Variants in GALNTL6 observed in about 807,000 individuals in gnomAD.
The protein encoded by GALNTL6 is polypeptide N-acetylgalactosaminyltransferase-like 6.
A neutral mutation model predicts 73.7 loss-of-function variants in GALNTL6; 46 were observed. The observed-to-expected ratio is 0.62, with a 90% CI of 0.49 to 0.80. GALNTL6 has a LOEUF of 0.80. Ranked by LOEUF, GALNTL6 falls within the 30% of genes least tolerant of loss-of-function variation. The pLI is 0.00. For synonymous variants in GALNTL6, 259 were observed against 263.7 expected (o/e 0.98, Z 0.17); for missense variants, 604 against 755.0 (o/e 0.80, Z 2.34).
At chr4:172,753,167 G>T (rs1325509382) in intron 5 of GALNTL6, among the ~76,000 whole-genome samples, 1 of 152,104 alleles carries the variant, frequency 6.6e-6, no homozygotes, top group African/African-American at 2.4e-5. Flanking sequence ...TAGTCAGTAA[G>T]TCTCATGAGA....
chr4:172,204,327 G>GT (rs1218362713), intron 2 of GALNTL6, among the ~76,000 whole-genome samples: 2 of 152,172 alleles, frequency 1.3e-5, no homozygotes, highest in Non-Finnish European at 2.9e-5. Flanking sequence ...TTGTGACAGT[G>GT]TAAGTCTTTT....
At chr4:172,313,646 G>A (rs983485206) in intron 4 of GALNTL6, among the ~76,000 whole-genome samples, 2 of 152,010 alleles carry the variant, frequency 1.3e-5, no homozygotes, top group East Asian at 3.9e-4. Context: ...TTTTATTAGG[G>A]TTACTCAATT....
chr4:172,248,831 G>A (rs1253112321), intron 3 of GALNTL6, among the ~76,000 whole-genome samples: 1 of 152,102 alleles, frequency 6.6e-6, no homozygotes, highest in African/African-American at 2.4e-5. Context: ...AGAAGGATGT[G>A]TTTGCTTGCC....
chr4:172,416,016 T>C (rs1730816672), intron 5 of GALNTL6, among the ~76,000 whole-genome samples: 1 of 152,164 alleles, frequency 6.6e-6, no homozygotes, highest in African/African-American at 2.4e-5. Context: ...AGGCAGAAAT[T>C]GGGCATAAGA....
At chr4:172,339,313 A>ACACACACG (rs1554015266) in intron 4 of GALNTL6, among the ~76,000 whole-genome samples, 2 of 142,286 alleles carry the variant, frequency 1.4e-5, no homozygotes, top group African/African-American at 5.2e-5. Context: ...ACACACACAC[A>ACACACACG]CAGAGTTTCC....
chr4:171,883,309 G>A (rs936240297), intron 2 of GALNTL6, among the ~76,000 whole-genome samples: 9 of 152,070 alleles, frequency 5.9e-5, no homozygotes, highest in African/African-American at 1.9e-4. Context: ...CCGAGATCCT[G>A]CCACTACACT....
At chr4:172,279,702 A>G (rs1738973504) in intron 3 of GALNTL6, among the ~76,000 whole-genome samples, 1 of 152,210 alleles carries the variant, frequency 6.6e-6, no homozygotes, top group Admixed American at 6.5e-5. Context: ...CAATTGCTAT[A>G]TAACCTAACA....
At chr4:172,773,057 G>T (rs1196760658) in intron 5 of GALNTL6, among the ~76,000 whole-genome samples, 1 of 152,158 alleles carries the variant, frequency 6.6e-6, no homozygotes, top group Non-Finnish European at 1.5e-5. Flanking sequence ...ACAAAACTCT[G>T]CAAAGAAACA....
rs148210407 is a variant in GALNTL6, at chr4:172,172,401, T to C, written c.139-57255T>C. Among the ~76,000 whole-genome samples the C allele has an allele frequency of 8.9e-4, 135 of 152,284 alleles. 1 individual carries two copies. Among genetic ancestry groups the C allele is most frequent in the African/African-American group, 3.2e-3 (131 of 41,570 alleles). On this transcript the variant is annotated intron_variant, in intron 2 of 12. Coordinates refer to ENST00000506823, the MANE Select transcript of GALNTL6 (RefSeq NM_001034845.3). ...TAGTAGAGATGAGGTTTCACTATGTTGGCCAATCTTGTCTCGAACTCCAGA... is the reference window on the plus strand; with the variant it reads ...TAGTAGAGATGAGGTTTCACTATGTCGGCCAATCTTGTCTCGAACTCCAGA...
At chr4:172,571,619 G>T (rs1736765477) in intron 5 of GALNTL6, among the ~76,000 whole-genome samples, 1 of 152,150 alleles carries the variant, frequency 6.6e-6, no homozygotes, top group African/African-American at 2.4e-5. Flanking sequence ...GCCTTAAAAG[G>T]CTTCCACTGA....
chr4:172,230,756 A>G (rs1386190504), intron 3 of GALNTL6, among the ~76,000 whole-genome samples: 1 of 152,134 alleles, frequency 6.6e-6, no homozygotes, highest in Non-Finnish European at 1.5e-5. Context: ...TTTTCACAAT[A>G]AGGATGTCAC....
intron 2 of GALNTL6, among the ~76,000 whole-genome samples, chr4:172,040,588 AACTG>A (rs1184191748): frequency 2.6e-5 from 4 of 152,124 alleles, no homozygotes; most frequent in African/African-American, 4.8e-5. Context: ...TAAAAATAAT[AACTG>A]ACTATTGATG....
chr4:172,596,611 T>G (rs1357409963), intron 5 of GALNTL6, among the ~76,000 whole-genome samples: 1 of 152,232 alleles, frequency 6.6e-6, no homozygotes, highest in Non-Finnish European at 1.5e-5. Flanking sequence ...TCTGTGATCC[T>G]GTGTAGTTAA....
chr4:172,375,924 T>G (rs1469999670), intron 5 of GALNTL6, among the ~76,000 whole-genome samples: 1 of 152,194 alleles, frequency 6.6e-6, no homozygotes. Context: ...GGCCATACCC[T>G]GAGGGAGGGA....
At chr4:172,456,536 C>T (rs1732404605) in intron 5 of GALNTL6, among the ~76,000 whole-genome samples, 1 of 151,586 alleles carries the variant, frequency 6.6e-6, no homozygotes, top group African/African-American at 2.4e-5. Flanking sequence ...AAACACAGCA[C>T]AAGAACTTTG....
chr4:172,974,501 G>A (rs1379704471), intron 10 of GALNTL6, among the ~76,000 whole-genome samples: 2 of 152,156 alleles, frequency 1.3e-5, no homozygotes, highest in East Asian at 1.9e-4. Flanking sequence ...TTCTGAAAAC[G>A]TGTATGAAAC....
chr4:172,207,848 A>G (rs1736192378), intron 2 of GALNTL6, among the ~76,000 whole-genome samples: 2 of 152,224 alleles, frequency 1.3e-5, no homozygotes, highest in Admixed American at 1.3e-4. Flanking sequence ...ATACACATCA[A>G]GTTTGTTATG....
chr4:172,586,554 GT>G (rs1737418277), intron 5 of GALNTL6, among the ~76,000 whole-genome samples: 2 of 152,120 alleles, frequency 1.3e-5, no homozygotes, highest in Admixed American at 6.5e-5. Flanking sequence ...ATCCCGGGCG[GT>G]GGGGAGTGAG....
rs575857802 is a variant in GALNTL6, at chr4:171,939,022, A to G, written c.138+124304A>G. Among the ~76,000 whole-genome samples, 12 of 152,200 alleles carry G rather than the reference A, an allele frequency of 7.9e-5. No individual in the cohort carries two copies. In the South Asian group the frequency reaches 1.5e-3, roughly 18 times the overall value. On this transcript the variant is annotated intron_variant, in intron 2 of 12. Coordinates refer to ENST00000506823, the MANE Select transcript of GALNTL6 (RefSeq NM_001034845.3). ...GTAGGTGGTGGTTGGGAGGTATCTTAAGTTGACATTGATCTCAATCTCCTG... is the reference window on the plus strand; with the variant it reads ...GTAGGTGGTGGTTGGGAGGTATCTTGAGTTGACATTGATCTCAATCTCCTG...
Sources: gnomAD v4.1 joint callset for allele counts (sites outside exome capture counted in the v4.1 genomes callset) on GRCh38, gnomAD v4.1.1 for gene constraint, MANE v1.5 for transcripts, NCBI Gene and HGNC (gene_info 2026-07-23, HGNC 2026-07-21) for gene names.